MACROD2: variants seen among roughly 807,000 people sequenced by gnomAD.
The protein encoded by MACROD2 is mono-ADP ribosylhydrolase 2.
MACROD2 carries 36 observed loss-of-function variants against 70.4 expected under a neutral mutation model. The observed-to-expected ratio is 0.51, with a 90% CI of 0.39 to 0.68. The LOEUF (loss-of-function observed/expected upper bound fraction) is 0.68. Among genes scored for constraint, MACROD2 ranks in the 30% least tolerant of loss-of-function variants. The probability of loss-of-function intolerance (pLI) is 0.00; values close to 1 mark genes in which losing one functional copy is unlikely to be tolerated. For synonymous variants in MACROD2, 172 were observed against 178.8 expected (o/e 0.96, Z 0.30); for missense variants, 496 against 538.4 (o/e 0.92, Z 0.78).
chr20:15,512,582 T>C (rs2047514197), intron 8 of MACROD2, among the ~76,000 whole-genome samples: 1 of 152,202 alleles, frequency 6.6e-6, no homozygotes, highest in African/African-American at 2.4e-5. Flanking sequence ...TACTCAGTCA[T>C]CTGAAGCAAA....
At chr20:14,066,257 C>G (rs1271875051) in intron 2 of MACROD2, among the ~76,000 whole-genome samples, 1 of 152,160 alleles carries the variant, frequency 6.6e-6, no homozygotes, top group Non-Finnish European at 1.5e-5. Flanking sequence ...AAACCAGGTC[C>G]TCTTAAGCAT....
intron 7 of MACROD2, among the ~76,000 whole-genome samples, chr20:15,483,831 C>T (rs371945157): frequency 4.7e-4 from 71 of 151,780 alleles, no homozygotes; most frequent in African/African-American, 1.1e-3. Context: ...CTAATATAGA[C>T]GGTATTTTGT....
rs1013765931 is a variant in MACROD2 at position 15,547,950 on chromosome 20, A to T, written c.645+48103A>T. On this transcript the variant is annotated intron_variant, in intron 8 of 17. Transcript: ENST00000684519. ...AGTGAACTGTGGTTTTAGTACAAGT[A>T]CCCTATGAAAGATGTTTGCAACTCT... Among the ~76,000 whole-genome samples the T allele has an allele frequency of 2.6e-5, 4 of 152,282 alleles. No individual in the cohort carries two copies. The East Asian group carries it at 7.7e-4, about 29-fold the overall frequency.
At chr20:15,601,852 C>A (rs2048825025) in intron 8 of MACROD2, among the ~76,000 whole-genome samples, 1 of 152,018 alleles carries the variant, frequency 6.6e-6, no homozygotes, top group Non-Finnish European at 1.5e-5. Flanking sequence ...CACAGTGAAA[C>A]CCTGTCTCTA....
intron 10 of MACROD2, among the ~76,000 whole-genome samples, chr20:15,915,747 A>G (rs2065305276): frequency 1.3e-5 from 2 of 152,096 alleles, no homozygotes. Flanking sequence ...AAGGCAGGGA[A>G]AATAGGGGAT....
At chr20:14,929,432 T>C (rs2122670029) in intron 5 of MACROD2, 1 of 152,176 alleles carries the variant, frequency 6.6e-6, no homozygotes, top group East Asian at 1.9e-4. Context: ...AAGAACGGGG[T>C]ATGTGGGAAG....
At chr20:15,477,099 GT>G (rs371999407) in intron 7 of MACROD2, among the ~76,000 whole-genome samples, 84 of 115,384 alleles carry the variant, frequency 7.3e-4, no homozygotes, top group Middle Eastern at 5.7e-3. Flanking sequence ...TCTATTTTTA[GT>G]TTTTTTTTTT....
chr20:15,660,740 G>T (rs1304719351), intron 8 of MACROD2, among the ~76,000 whole-genome samples: 1 of 152,160 alleles, frequency 6.6e-6, no homozygotes, highest in Non-Finnish European at 1.5e-5. Flanking sequence ...CCACAGGCAT[G>T]AACTGTGGTG....
At chr20:15,514,980 T>C (rs972029525) in intron 8 of MACROD2, among the ~76,000 whole-genome samples, 1 of 152,234 alleles carries the variant, frequency 6.6e-6, no homozygotes, top group African/African-American at 2.4e-5. Flanking sequence ...CTTCTAGCAT[T>C]ATCCCATGTC....
chr20:14,429,535 G>T (rs998438644), intron 3 of MACROD2, among the ~76,000 whole-genome samples: 1 of 152,154 alleles, frequency 6.6e-6, no homozygotes, highest in Non-Finnish European at 1.5e-5. Context: ...CCTTAAACAT[G>T]TGTTGGAAGT....
At chr20:15,225,263 A>C (rs950464475) in intron 5 of MACROD2, among the ~76,000 whole-genome samples, 54 of 152,302 alleles carry the variant, frequency 3.5e-4, no homozygotes, top group African/African-American at 1.3e-3. Context: ...TTATATGTGT[A>C]ATGATATAAG....
intron 12 of MACROD2, among the ~76,000 whole-genome samples, chr20:15,947,624 A>G (rs2065842892): frequency 6.6e-6 from 1 of 152,158 alleles, no homozygotes; most frequent in South Asian, 2.1e-4. Context: ...TTCTACATAG[A>G]CACAGTAACA....
chr20:14,356,353 C>T (rs766138991), intron 3 of MACROD2, among the ~76,000 whole-genome samples: 13 of 152,002 alleles, frequency 8.6e-5, no homozygotes, highest in African/African-American at 1.7e-4. Context: ...CTATCTATTA[C>T]CTCATAACAA....
chr20:14,166,011 G>A (rs1760969342), intron 3 of MACROD2, among the ~76,000 whole-genome samples: 2 of 152,072 alleles, frequency 1.3e-5, no homozygotes, highest in Admixed American at 6.5e-5. Flanking sequence ...TGTTTTAATA[G>A]AATTAACACA....
At chr20:14,688,099 G>C (rs546732645) in intron 5 of MACROD2, among the ~76,000 whole-genome samples, 10 of 152,208 alleles carry the variant, frequency 6.6e-5, no homozygotes, top group African/African-American at 1.9e-4. Context: ...AAGGGAGCTC[G>C]TTACATACTG....
At chr20:15,668,959 T>C (rs910646090) in intron 8 of MACROD2, among the ~76,000 whole-genome samples, 2 of 152,184 alleles carry the variant, frequency 1.3e-5, no homozygotes, top group African/African-American at 4.8e-5. Context: ...GAGTGGAGCA[T>C]GACCTAGAAA....
In MACROD2 at chr20:15,125,861, C is replaced by G. The variant is rs550722763; in HGVS notation, c.419-104079C>G. Among the ~76,000 whole-genome samples, 98 of 151,940 alleles carry G rather than the reference C, an allele frequency of 6.4e-4. No homozygotes were observed. The Middle Eastern group carries it at 0.01, about 16-fold the overall frequency. On this transcript the variant is annotated intron_variant, in intron 5 of 17. Transcript: ENST00000684519. ...ATTCATTCCTCATTTCTCTTCCCCC[C>G]TGTCTTCTGGCAGACTACTTTCTGT...
At chr20:14,748,890 C>G (rs2071833423) in intron 5 of MACROD2, among the ~76,000 whole-genome samples, 1 of 152,146 alleles carries the variant, frequency 6.6e-6, no homozygotes, top group African/African-American at 2.4e-5. Context: ...CTGAGAAAAC[C>G]AGATGCCTCC....
At chr20:15,083,985 A>T (rs1366105690) in intron 5 of MACROD2, among the ~76,000 whole-genome samples, 1 of 151,926 alleles carries the variant, frequency 6.6e-6, no homozygotes, top group Non-Finnish European at 1.5e-5. Flanking sequence ...ATGTCATTAT[A>T]GGAGGTGCAA....
Sources: gnomAD v4.1 joint callset for allele counts (sites outside exome capture counted in the v4.1 genomes callset) on GRCh38, gnomAD v4.1.1 for gene constraint, MANE v1.5 for transcripts, NCBI Gene and HGNC (gene_info 2026-07-23, HGNC 2026-07-21) for gene names.